UHRF2: variants seen among roughly 807,000 people sequenced by gnomAD.
UHRF2 encodes E3 ubiquitin-protein ligase UHRF2.
Under a neutral mutation model 96.8 loss-of-function variants are expected in UHRF2, and 23 were observed. That is an observed-to-expected ratio of 0.24 (90% CI 0.17 to 0.34). The LOEUF (loss-of-function observed/expected upper bound fraction) is 0.34. UHRF2 is among the 10% of genes least tolerant of loss of function. The pLI is 1.00. For missense variants in UHRF2, 685 were observed against 981.5 expected (o/e 0.70, Z 4.04); for synonymous variants, 385 against 332.6 (o/e 1.16, Z -1.72).
intron 1 of UHRF2, among the ~76,000 whole-genome samples, chr9:6,417,691 T>C: frequency 6.6e-6 from 1 of 152,206 alleles, no homozygotes; most frequent in Non-Finnish European, 1.5e-5. Context: ...AAAAAGCCTG[T>C]CATAGCAAGC....
At position 6,471,530 on chromosome 9, in the gene UHRF2, G is replaced by A. The variant is rs115749489; in HGVS notation, c.864-3861G>A. Among the ~76,000 whole-genome samples, 1,445 of 152,260 alleles carry A rather than the reference G, an allele frequency of 9.5e-3. 15 individuals are homozygous for A. The highest frequency in any genetic ancestry group is 0.029 in the African/African-American group (1,189 of 41,538). ...AGATACCAGCTTCCATTTTGGGTGCGCCCTCTTGGATCACTCCCTCTGAGG... is the reference window on the plus strand; with the variant it reads ...AGATACCAGCTTCCATTTTGGGTGCACCCTCTTGGATCACTCCCTCTGAGG... On this transcript the variant is annotated intron_variant, in intron 4 of 15. Coordinates refer to ENST00000276893, the MANE Select transcript of UHRF2 (RefSeq NM_152896.3).
chr9:6,452,552 G>C (rs1423110277), intron 3 of UHRF2, among the ~76,000 whole-genome samples: 2 of 152,210 alleles, frequency 1.3e-5, no homozygotes, highest in Non-Finnish European at 2.9e-5. Flanking sequence ...TAAAGATGGG[G>C]AAGTGTGTTG....
chr9:6,473,704 G>A (rs1457968457), intron 4 of UHRF2, among the ~76,000 whole-genome samples: 1 of 152,004 alleles, frequency 6.6e-6, no homozygotes, highest in African/African-American at 2.4e-5. Context: ...TTAACATGGG[G>A]GCCAGATGGT....
intron 3 of UHRF2, among the ~76,000 whole-genome samples, chr9:6,451,440 T>G (rs1027710490): frequency 6.6e-6 from 1 of 150,914 alleles, no homozygotes; most frequent in Non-Finnish European, 1.5e-5. Flanking sequence ...ATTCCTTCTA[T>G]CTTGTTTCTT....
chr9:6,499,822 C>A lies in UHRF2; in HGVS notation c.1909-13C>A, dbSNP rs772093190. The A allele has an allele frequency of 6.7e-6, 7 of 1,052,500 alleles. No individual in the cohort carries two copies. In the Admixed American group the frequency reaches 1.4e-4, roughly 22 times the overall value. 65.2% of individuals were successfully genotyped at this position (1,052,500 alleles called of 1,614,324 possible). ...AAATCTGCATTGTACTCTCCCTCCT[C>A]CCCCCCCATCAGTATCCAGCAGGTT... On this transcript the variant is annotated splice_polypyrimidine_tract_variant and intron_variant, in intron 12 of 15. Coordinates refer to ENST00000276893, the MANE Select transcript of UHRF2 (RefSeq NM_152896.3).
At chr9:6,481,602 G>A in intron 6 of UHRF2, 41 bp from the exon 7 acceptor site, 3 of 1,597,896 alleles carry the variant, frequency 1.9e-6, no homozygotes, top group Non-Finnish European at 2.6e-6. Flanking sequence ...GCTTTAATAT[G>A]GTATTGTGAA....
rs1563784312 is a variant in UHRF2 at position 6,470,896 on chromosome 9, C to T, written c.864-4495C>T. Among the ~76,000 whole-genome samples the T allele has an allele frequency of 2.0e-5, 3 of 152,154 alleles. No individual in the cohort carries two copies. The South Asian group carries it at 6.2e-4, about 32-fold the overall frequency. On this transcript the variant is annotated intron_variant, in intron 4 of 15. Coordinates refer to ENST00000276893, the MANE Select transcript of UHRF2 (RefSeq NM_152896.3). ...AGAAGCAGATAAAGTAGAAAACATACAGTAAAATGGCAGAAACAAACACAA... is the reference window on the plus strand; with the variant it reads ...AGAAGCAGATAAAGTAGAAAACATATAGTAAAATGGCAGAAACAAACACAA...
chr9:6,500,927 T>A lies in UHRF2; in HGVS notation c.2163+218T>A, dbSNP rs138465203. On this transcript the variant is annotated intron_variant, in intron 14 of 15. Transcript: ENST00000276893. ...TAGATGCTGGATTTTGACTTCTCTA[T>A]GCCCAAAGTTACTTTACTTTGAGGT... 1.2e-4 allele frequency among the ~76,000 whole-genome samples: 18 copies of A among 152,324 alleles called. No homozygotes were observed. In the East Asian group the frequency reaches 3.5e-3, roughly 29 times the overall value.
intron 4 of UHRF2, among the ~76,000 whole-genome samples, chr9:6,461,592 C>T (rs968666276): frequency 1.1e-4 from 17 of 151,618 alleles, no homozygotes; most frequent in African/African-American, 3.9e-4. Flanking sequence ...AGGCTGGTCT[C>T]GACTCCTGCC....
intron 3 of UHRF2, among the ~76,000 whole-genome samples, chr9:6,457,986 T>C (rs1268513121): frequency 6.6e-6 from 1 of 152,218 alleles, no homozygotes; most frequent in African/African-American, 2.4e-5. Context: ...GTTGTGTCTC[T>C]GCCAGGTTTT....
chr9:6,485,066 T>G (rs1036083409), intron 8 of UHRF2, among the ~76,000 whole-genome samples: 3 of 152,174 alleles, frequency 2.0e-5, no homozygotes, highest in Non-Finnish European at 2.9e-5. Context: ...GTGCTGGGAT[T>G]ACAGGCGTGA....
chr9:6,483,506 C>G lies in UHRF2; in HGVS notation c.1392+1407C>G, dbSNP rs1021230998. Reference sequence around the variant, plus strand: ...TTGCAGAATCATGACAAGAAAAAGTCTGGACAGATTCAGTACAGACACAGC... The same window carrying G: ...TTGCAGAATCATGACAAGAAAAAGTGTGGACAGATTCAGTACAGACACAGC... On this transcript the variant is annotated intron_variant, in intron 8 of 15. Transcript: ENST00000276893. Among the ~76,000 whole-genome samples, 5 of 152,106 alleles carry G rather than the reference C, an allele frequency of 3.3e-5. No individual in the cohort carries two copies. In the East Asian group the frequency reaches 9.7e-4, roughly 29 times the overall value.
At chr9:6,451,204 T>G (rs745840976) in intron 3 of UHRF2, among the ~76,000 whole-genome samples, 31 of 152,300 alleles carry the variant, frequency 2.0e-4, no homozygotes, top group Middle Eastern at 3.4e-3. Context: ...TTAGGAAATA[T>G]ATCATTTGGG....
At chr9:6,467,352 G>A (rs1375302200) in intron 4 of UHRF2, among the ~76,000 whole-genome samples, 2 of 152,060 alleles carry the variant, frequency 1.3e-5, no homozygotes, top group African/African-American at 4.8e-5. Flanking sequence ...TATTGGATCT[G>A]CGTGGATAAT....
rs1464259487 is a variant in UHRF2, at chr9:6,481,843, T to C, written c.1284+77T>C. 8 of 1,553,444 alleles carry C rather than the reference T, an allele frequency of 5.1e-6. No individual in the cohort carries two copies. In the East Asian group the frequency reaches 1.6e-4, roughly 31 times the overall value. On this transcript the variant is annotated intron_variant, in intron 7 of 15. Transcript: ENST00000276893. ...GTTTTAATACCAATAGTAGTAATGG[T>C]ATAAAAGATTAAACAGTATCATTAT...
At chr9:6,451,773 T>TTTGTTGTTGTTGTTGTTGCTGTTG (rs1554625821) in intron 3 of UHRF2, among the ~76,000 whole-genome samples, 1 of 148,802 alleles carries the variant, frequency 6.7e-6, no homozygotes, top group African/African-American at 2.5e-5. Flanking sequence ...GCCCGGCCTG[T>TTTGTTGTTGTTGTTGTTGCTGTTG]TTGTTGTTGT....
At chr9:6,416,256 G>A in intron 1 of UHRF2, among the ~76,000 whole-genome samples, 1 of 151,998 alleles carries the variant, frequency 6.6e-6, no homozygotes, top group African/African-American at 2.4e-5. Context: ...TAGAGACGAG[G>A]TTTCACCATT....
intron 6 of UHRF2, among the ~76,000 whole-genome samples, chr9:6,478,825 G>C (rs767221536): frequency 8.5e-5 from 13 of 152,134 alleles, no homozygotes; most frequent in Non-Finnish European, 1.5e-4. Flanking sequence ...AAGGGGGAAA[G>C]GATATATCTT....
At chr9:6,467,306 A>G (rs371296968) in intron 4 of UHRF2, among the ~76,000 whole-genome samples, 7 of 152,172 alleles carry the variant, frequency 4.6e-5, no homozygotes, top group African/African-American at 7.2e-5. Flanking sequence ...CATCCCCTTC[A>G]TATTCTCTCC....
Sources: gnomAD v4.1 joint callset for allele counts (sites outside exome capture counted in the v4.1 genomes callset) on GRCh38, gnomAD v4.1.1 for gene constraint, MANE v1.5 for transcripts, NCBI Gene and HGNC (gene_info 2026-07-23, HGNC 2026-07-21) for gene names.